Variants in ACOT1 observed in about 807,000 individuals in gnomAD.
ACOT1 encodes the protein acyl-CoA thioesterase 1, also known as acyl-coenzyme A thioesterase 1.
ACOT1 carries 8 observed loss-of-function variants against 15.7 expected under a neutral mutation model. The observed-to-expected ratio is 0.51, with a 90% CI of 0.30 to 0.92. ACOT1 has a LOEUF of 0.92. Among genes scored for constraint, ACOT1 ranks in the 40% least tolerant of loss-of-function variants. The pLI is 0.06. For missense variants in ACOT1, 151 were observed against 539.4 expected (o/e 0.28, Z 7.13); for synonymous variants, 67 against 241.2 (o/e 0.28, Z 6.69).
At chr14:73,521,086 T>G in the ACOT1 span, 2 of 1,507,156 alleles carry the variant, frequency 1.3e-6, no homozygotes, top group Non-Finnish European at 1.8e-6. Flanking sequence ...GAGTAGGAGG[T>G]GGATCCCCCT....
chr14:73,511,610 C>T, the ACOT1 span, among the ~76,000 whole-genome samples: 1 of 151,916 alleles, frequency 6.6e-6, no homozygotes, highest in Non-Finnish European at 1.5e-5. Flanking sequence ...CACAGTGGCT[C>T]ACGCCTGTAA....
intron 1 of ACOT1, among the ~76,000 whole-genome samples, chr14:73,540,299 A>G (rs1889033110): frequency 3.3e-5 from 5 of 151,590 alleles, no homozygotes; most frequent in African/African-American, 9.6e-5. Flanking sequence ...TTAAAAAAAG[A>G]GCAAAGTCAA....
chr14:73,509,858 A>ATTTATATATTTATATATT, the ACOT1 span, among the ~76,000 whole-genome samples: 1 of 59,198 alleles, frequency 1.7e-5, no homozygotes, highest in African/African-American at 8.1e-5. Flanking sequence ...ATATATATAT[A>ATTTATATATTTATATATT]TATATATATA....
chr14:73,509,578 G>T, the ACOT1 span: 31 of 1,084,166 alleles, frequency 2.9e-5, no homozygotes, highest in African/African-American at 3.1e-4. Context: ...CCCAGCTGCA[G>T]TTGCTTAGTG....
At chr14:73,509,810 CCATATATATATATATATATATATA>C in the ACOT1 span, among the ~76,000 whole-genome samples, 1,659 of 63,190 alleles carry the variant, frequency 0.026, 221 homozygotes, top group Middle Eastern at 0.067. Context: ...CCCCATGAGC[CCATATATATATATATATATATATA>C]TATATATATA....
At chr14:73,540,761 T>TTTA in intron 1 of ACOT1, among the ~76,000 whole-genome samples, 1 of 105,312 alleles carries the variant, frequency 9.5e-6, no homozygotes, top group African/African-American at 3.5e-5. Context: ...TTTTTTTTTT[T>TTTA]GAGACAGTGT....
At chr14:73,523,145 C>T in the ACOT1 span, 7 of 1,590,654 alleles carry the variant, frequency 4.4e-6, no homozygotes, top group Non-Finnish European at 6.0e-6. Context: ...CTTCTGGGTC[C>T]TGGTCATACC....
chr14:73,540,742 CT>C (rs200357086), intron 1 of ACOT1, among the ~76,000 whole-genome samples: 2,324 of 80,886 alleles, frequency 0.029, 33 homozygotes, highest in Non-Finnish European at 0.038. Context: ...TGTTTGCATT[CT>C]TTTTTTTTTT....
chr14:73,520,772 T>A, the ACOT1 span: 3 of 1,341,936 alleles, frequency 2.2e-6, no homozygotes, highest in African/African-American at 1.5e-5. Context: ...TACCCACAAC[T>A]GTTTCCAGCC....
the ACOT1 span, among the ~76,000 whole-genome samples, chr14:73,497,437 A>G: frequency 5.3e-5 from 8 of 152,182 alleles, no homozygotes; most frequent in Non-Finnish European, 1.2e-4. Context: ...CCACAACCCT[A>G]TAATGTAGAC....
At chr14:73,508,621 C>T in the ACOT1 span, among the ~76,000 whole-genome samples, 8 of 151,746 alleles carry the variant, frequency 5.3e-5, no homozygotes, top group African/African-American at 1.5e-4. Context: ...TGGTGGCATG[C>T]GCCTGTAATC....
the ACOT1 span, among the ~76,000 whole-genome samples, chr14:73,524,337 T>A: frequency 5.1e-5 from 6 of 116,792 alleles, no homozygotes; most frequent in East Asian, 2.4e-4. Context: ...ATATATATAT[T>A]ATAGCTGTAA....
chr14:73,535,469 C>CTTTTTTTTTTTTTTTTTTTTTTTTTTTTT (rs869167008), upstream of ACOT1, among the ~76,000 whole-genome samples: 1 of 16,538 alleles, frequency 6.0e-5, no homozygotes. Context: ...TTTCTTCTTT[C>CTTTTTTTTTTTTTTTTTTTTTTTTTTTTT]TTTTTTTTTT....
the ACOT1 span, chr14:73,514,072 A>C: frequency 6.2e-7 from 1 of 1,614,182 alleles, no homozygotes; most frequent in Non-Finnish European, 8.5e-7. Context: ...CATCCTCCGC[A>C]GGACCACCAG....
chr14:73,493,075 T>C, the ACOT1 span: 1 of 1,611,446 alleles, frequency 6.2e-7, no homozygotes. Flanking sequence ...CCTTTATCAC[T>C]GCTTCAGTGT....
At chr14:73,533,844 C>T (rs1207193744), upstream of ACOT1, among the ~76,000 whole-genome samples, 31 of 89,346 alleles carry the variant, frequency 3.5e-4, 7 homozygotes, top group Non-Finnish European at 1.3e-4. Context: ...GGCCAGAGTT[C>T]GAGACCAGTC....
the ACOT1 span, chr14:73,496,635 C>A: frequency 1.2e-6 from 2 of 1,602,618 alleles, no homozygotes; most frequent in South Asian, 1.1e-5. Context: ...TTCTTGGTTT[C>A]CTTCATTTCC....
At chr14:73,499,385 T>TA in the ACOT1 span, among the ~76,000 whole-genome samples, 150 of 151,890 alleles carry the variant, frequency 9.9e-4, no homozygotes, top group African/African-American at 3.4e-3. Flanking sequence ...GAGGCTGAGG[T>TA]AGGAGAATTG....
At chr14:73,508,123 T>G in the ACOT1 span, 6 of 1,613,130 alleles carry the variant, frequency 3.7e-6, no homozygotes, top group Admixed American at 1.0e-4. Flanking sequence ...GACCCGGTAA[T>G]GGACACATAC....
Sources: gnomAD v4.1 joint callset for allele counts (sites outside exome capture counted in the v4.1 genomes callset) on GRCh38, gnomAD v4.1.1 for gene constraint, MANE v1.5 for transcripts, NCBI Gene and HGNC (gene_info 2026-07-23, HGNC 2026-07-21) for gene names.